The following DSC1 variants were observed in gnomAD, a reference collection of about 807,000 sequenced individuals.
DSC1 encodes desmocollin-1.
A neutral mutation model predicts 98.8 loss-of-function variants in DSC1; 79 were observed. That is an observed-to-expected ratio of 0.80 (90% confidence interval 0.67 to 0.96). The LOEUF is 0.96. Among genes scored for constraint, DSC1 ranks in the 50% least tolerant of loss-of-function variants. The pLI, the probability that DSC1 is intolerant of heterozygous loss-of-function variation, is 0.00. For missense variants in DSC1, 1,115 were observed against 1,075.9 expected (o/e 1.04, Z -0.51); for synonymous variants, 405 against 372.1 (o/e 1.09, Z -1.02).
intron 6 of DSC1, 27 bp downstream of exon 6, chr18:31,148,471 T>G: frequency 1.3e-6 from 2 of 1,563,810 alleles, no homozygotes; most frequent in Non-Finnish European, 1.7e-6. Flanking sequence ...AGTCTTCTTG[T>G]CATGCTACAA....
intron 1 of DSC1, among the ~76,000 whole-genome samples, chr18:31,159,899 A>G (rs1989178899): frequency 6.6e-6 from 1 of 152,216 alleles, no homozygotes; most frequent in African/African-American, 2.4e-5. Flanking sequence ...TGAAATGCAT[A>G]ATTACATATA....
intron 11 of DSC1, among the ~76,000 whole-genome samples, chr18:31,136,491 T>C (rs1327395137): frequency 6.6e-6 from 1 of 152,212 alleles, no homozygotes; most frequent in Non-Finnish European, 1.5e-5. Context: ...TTACAGTCTC[T>C]GCTTTAAGCA....
Position 31,134,037 on chromosome 18 carries a change from G to A in DSC1, c.1970C>T (p.Thr657Ile), listed in dbSNP as rs778162693. The A allele has an allele frequency of 1.2e-6, 2 of 1,612,758 alleles. No individual in the cohort carries two copies. Among genetic ancestry groups the A allele is most frequent in the Non-Finnish European group, 1.7e-6 (2 of 1,179,604 alleles). Residue 657 changes from threonine (T) to isoleucine (I), a missense_variant, in exon 13 of 16, where the codon ACA (threonine) becomes ATA (isoleucine). Physicochemically the swap from Thr to Ile is moderately conservative, Grantham distance 89. Coordinates refer to ENST00000257198, the MANE Select transcript of DSC1 (RefSeq NM_024421.2). ...ACATACTCTCACTGTTAACATATGT[G>A]TTGCAACTAAACCATGCCTGTCTTT... ...QIKDRHGLVA[T>I]HMLTVRVCDC...
intron 6 of DSC1, among the ~76,000 whole-genome samples, chr18:31,147,165 A>C (rs1294585709): frequency 1.4e-5 from 2 of 138,966 alleles, no homozygotes; most frequent in Non-Finnish European, 3.2e-5. Flanking sequence ...TTTTTTTTTC[A>C]TTTTGTTTGG....
intron 11 of DSC1, among the ~76,000 whole-genome samples, chr18:31,137,043 A>T (rs1436064778): frequency 6.6e-6 from 1 of 152,188 alleles, no homozygotes; most frequent in Non-Finnish European, 1.5e-5. Flanking sequence ...GGTTAACTAA[A>T]AATCTTCATA....
intron 2 of DSC1, among the ~76,000 whole-genome samples, chr18:31,157,881 G>A (rs1341421749): frequency 6.6e-6 from 1 of 152,056 alleles, no homozygotes; most frequent in Non-Finnish European, 1.5e-5. Flanking sequence ...TTATATATGT[G>A]TATACAAACT....
chr18:31,131,392 T>C (rs1242429629), intron 15 of DSC1: 12 of 721,152 alleles, frequency 1.7e-5, no homozygotes, highest in Non-Finnish European at 2.4e-5. Flanking sequence ...TAGATAAAGT[T>C]TTGTAAACTG....
At chr18:31,151,630 T>C (rs1390805633) in intron 5 of DSC1, among the ~76,000 whole-genome samples, 1 of 152,200 alleles carries the variant, frequency 6.6e-6, no homozygotes. Flanking sequence ...TTAAAGAATC[T>C]CATCTCTTTT....
At chr18:31,135,074 ACATCCTT>A (rs1988581556) in intron 11 of DSC1, among the ~76,000 whole-genome samples, 1 of 152,186 alleles carries the variant, frequency 6.6e-6, no homozygotes, top group Non-Finnish European at 1.5e-5. Flanking sequence ...CAGATGTCTT[ACATCCTT>A]CTTTATGAAG....
rs750226621 is a variant in DSC1, at chr18:31,133,919, A to G, written c.2088T>C (p.Ala696=). 14 of 1,613,058 alleles carry G rather than the reference A, an allele frequency of 8.7e-6. No homozygotes were observed. The Admixed American group carries it at 2.0e-4, about 23-fold the overall frequency. ...NVILGRWAIL[A]MVLGSVLLLC... is the part of the protein sequence containing the mutation. ...ATAACAATACAGAACCCAACACCAT[A>G]GCAAGAATAGCCCATCTTCCAAGTA... The change falls in exon 13 of 16, where the codon GCT becomes GCC. Residue 696 remains alanine, a synonymous_variant. Transcript: ENST00000257198.
intron 14 of DSC1, chr18:31,132,209 G>C (rs952474527): frequency 1.5e-4 from 52 of 347,786 alleles, no homozygotes; most frequent in Non-Finnish European, 2.3e-4. Flanking sequence ...ATGAAGATTT[G>C]ATTTCCACTG....
Position 31,131,800 on chromosome 18 carries a change from C to T in DSC1, c.2281G>A (p.Asp761Asn). 1 of 1,614,060 alleles carries T rather than the reference C, an allele frequency of 6.2e-7. No individual in the cohort carries two copies. The highest frequency in any genetic ancestry group is 1.1e-5 in the South Asian group (1 of 91,078). Residue 761 changes from aspartate to asparagine, a missense_variant, in exon 15 of 16, where the codon GAC becomes AAC. Asp to Asn is a conservative substitution (Grantham distance 23). Coordinates refer to ENST00000257198, the MANE Select transcript of DSC1 (RefSeq NM_024421.2). ...ACAGTACCAACAGACATGCTTGTGT[C>T]ACAAATGTTGGATGTCTGCATGGGG... ...RLPMQTSNICDTSMSVGTVGG... is the reference protein window; with the variant it reads ...RLPMQTSNICNTSMSVGTVGG...
rs1988701699 is a variant in DSC1, at chr18:31,140,139, C to T, written c.1423G>A (p.Val475Met). The change falls in exon 10 of 16, where the codon GTG becomes ATG. Residue 475 changes from valine to methionine, a missense_variant. Val to Met is a conservative substitution (Grantham distance 21). Coordinates refer to ENST00000257198, the MANE Select transcript of DSC1 (RefSeq NM_024421.2). ...SDEGPECHPP[V>M]KVIQSQDGFP... ...CCATCTTGACTCTGAATAACTTTCA[C>T]TGGAGGGTGGCATTCAGGGCCCTCA... The T allele has an allele frequency of 1.9e-6, 3 of 1,613,892 alleles. No individual in the cohort carries two copies. The highest frequency in any genetic ancestry group is 2.5e-6 in the Non-Finnish European group (3 of 1,179,940).
At chr18:31,162,113 T>G (rs1181405663) in intron 1 of DSC1, among the ~76,000 whole-genome samples, 1 of 152,222 alleles carries the variant, frequency 6.6e-6, no homozygotes, top group Non-Finnish European at 1.5e-5. Context: ...ATAATTTGCA[T>G]GTTCACCCAG....
chr18:31,139,912 T>C (rs779012107), intron 10 of DSC1, 22 bp from the exon 11 acceptor site: 8 of 1,585,980 alleles, frequency 5.0e-6, no homozygotes, highest in Non-Finnish European at 6.8e-6. Flanking sequence ...AAATCAAATA[T>C]GAACGGTCAA....
chr18:31,157,603 TCAGATGAAA>T, intron 2 of DSC1, 30 bp from the exon 3 acceptor site: 1 of 1,613,342 alleles, frequency 6.2e-7, no homozygotes, highest in Non-Finnish European at 8.5e-7. Context: ...CAGCAGTTTG[TCAGATGAAA>T]CAGGAGTGGA....
rs1241919438 is a variant in DSC1 at position 31,150,004 on chromosome 18, T to C, written c.628-1362A>G. On this transcript the variant is annotated intron_variant, in intron 5 of 15. Transcript: ENST00000257198. ...GTAGTCTATCATTACCACTTCACCA[T>C]ACCACCACCACCATCATCATCACCA... is the stretch of plus-strand genomic sequence containing the variant. Among the ~76,000 whole-genome samples, 22 of 147,684 alleles carry C rather than the reference T, an allele frequency of 1.5e-4. No homozygotes were observed. In the Admixed American group the frequency reaches 1.5e-3, roughly 10 times the overall value.
At chr18:31,144,448 T>A (rs1027049115) in intron 7 of DSC1, among the ~76,000 whole-genome samples, 6 of 152,054 alleles carry the variant, frequency 3.9e-5, no homozygotes, top group Admixed American at 1.3e-4. Flanking sequence ...CTATCAAGAC[T>A]TAAAAAGACA....
chr18:31,156,986 G>A (rs568281328), intron 3 of DSC1, among the ~76,000 whole-genome samples: 54 of 152,242 alleles, frequency 3.5e-4, no homozygotes, highest in Middle Eastern at 3.4e-3. Context: ...ACTCAAACCC[G>A]CAATCAGTGG....
Sources: gnomAD v4.1 joint callset for allele counts (sites outside exome capture counted in the v4.1 genomes callset) on GRCh38, gnomAD v4.1.1 for gene constraint, MANE v1.5 for transcripts, NCBI Gene and HGNC (gene_info 2026-07-23, HGNC 2026-07-21) for gene names.